The following NAV1 variants were observed in gnomAD, a reference collection of about 807,000 sequenced individuals.
NAV1 encodes the protein pore membrane and/or filament interacting like protein 3.
NAV1 carries 18 observed loss-of-function variants against 175.2 expected under a neutral mutation model. That is an observed-to-expected ratio of 0.10 (90% CI 0.07 to 0.15). The LOEUF (loss-of-function observed/expected upper bound fraction) is 0.15, where lower values mean the gene tolerates loss of function less well. NAV1 is among the 10% of genes least tolerant of loss of function. NAV1 has a pLI of 1.00. For synonymous variants in NAV1, 897 were observed against 978.7 expected (o/e 0.92, Z 1.56); for missense variants, 1,731 against 2,436.6 (o/e 0.71, Z 6.10).
intron 1 of NAV1, among the ~76,000 whole-genome samples, chr1:201,675,264 A>AGT (rs1320587043): frequency 6.6e-6 from 1 of 152,178 alleles, no homozygotes; most frequent in Non-Finnish European, 1.5e-5. Flanking sequence ...AGTATCTTTC[A>AGT]GTGCCAAATC....
At chr1:201,553,847 T>G (rs996961516) in intron 1 of NAV1, among the ~76,000 whole-genome samples, 1 of 152,244 alleles carries the variant, frequency 6.6e-6, no homozygotes, top group Non-Finnish European at 1.5e-5. Flanking sequence ...TTTGCTTCTT[T>G]TAATTTCTGA....
rs1678744258 is a variant in NAV1 at position 201,812,342 on chromosome 1, TGAAAA to T, written c.5025-118_5025-114del. 2 of 989,844 alleles carry T rather than the reference TGAAAA, an allele frequency of 2.0e-6. No homozygotes were observed. Among genetic ancestry groups the T allele is most frequent in the African/African-American group, 1.6e-5 (1 of 62,232 alleles). 61.3% of individuals were successfully genotyped at this position (989,844 alleles called of 1,614,324 possible). ...GAGTTCCGATGTCCCCACTATTACT[TGAAAA>T]GAAACCAAGTAGGCATTAGTGAGAA... is the stretch of plus-strand genomic sequence containing the variant. On this transcript the variant is annotated intron_variant, in intron 26 of 29. Coordinates refer to ENST00000367296, the Ensembl canonical transcript of NAV1. The surrounding 1 kb of genome is among the most constrained non-coding windows in gnomAD (Gnocchi z 4.6).
rs553434069 is a variant in NAV1, at chr1:201,655,255, C to CCCCAAAG, written c.757+5854_757+5860dup. Among the ~76,000 whole-genome samples, 705 of 152,258 alleles carry CCCCAAAG rather than the reference C, an allele frequency of 4.6e-3. 2 individuals are homozygous for CCCCAAAG. Among genetic ancestry groups the CCCCAAAG allele is most frequent in the Non-Finnish European group, 7.5e-3 (513 of 68,010 alleles). Reference sequence around the variant, plus strand: ...CCTGGCCCAACCAGGAAGCTCTCCTCCCCAAAGCCCAAAGCCCAAAGCCCA... The same window carrying CCCCAAAG: ...CCTGGCCCAACCAGGAAGCTCTCCTCCCCAAAGCCCAAAGCCCAAAGCCCAAAGCCCA... On this transcript the variant is annotated intron_variant, in intron 1 of 29. Transcript: ENST00000367296.
chr1:201,648,498 C>T (rs1401741069), exon 1 of NAV1: 8 of 1,234,360 alleles, frequency 6.5e-6, no homozygotes, highest in Non-Finnish European at 8.1e-6. Flanking sequence ...CGGCTTGCCT[C>T]TCTCCCTCCT....
At chr1:201,646,623 C>T (rs544968633), upstream of NAV1, among the ~76,000 whole-genome samples, 9 of 152,266 alleles carry the variant, frequency 5.9e-5, no homozygotes, top group Non-Finnish European at 1.2e-4. Context: ...TCTATATTCT[C>T]GTGCCACTTA....
intron 2 of NAV1, among the ~76,000 whole-genome samples, chr1:201,714,804 C>T (rs1334017346): frequency 2.0e-5 from 3 of 152,252 alleles, no homozygotes; most frequent in Non-Finnish European, 4.4e-5. Context: ...AAATGACTCA[C>T]TCACAGGAGT....
chr1:201,648,469 T>G (rs1669057907), exon 1 of NAV1: 1 of 1,208,290 alleles, frequency 8.3e-7, no homozygotes, highest in Admixed American at 4.4e-5. Flanking sequence ...CTTCCTCGCG[T>G]TTCTTTCCCC....
rs140203485 is a variant in NAV1, at chr1:201,617,646, T to G, written c.-32-5207T>G. On this transcript the variant is annotated intron_variant, in intron 2 of 33. Transcript: ENST00000685211. The stretch of plus-strand genomic sequence containing the variant: ...AAGAGGCTGAGGTGGGAGGATCACT[T>G]AAGCCTGGGAGATTGAGTCTGCAGT... Among the ~76,000 whole-genome samples the G allele has an allele frequency of 4.1e-3, 617 of 152,282 alleles. 4 individuals are homozygous for G. The highest frequency in any genetic ancestry group is 0.014 in the African/African-American group (587 of 41,544).
chr1:201,794,137 A>C (rs756492206), intron 14 of NAV1: 1 of 673,796 alleles, frequency 1.5e-6, no homozygotes, highest in South Asian at 1.5e-5. Context: ...GGCTCCTGCT[A>C]ATCCCAACTA....
At chr1:201,820,421 C>T (rs903946026) in exon 30 of NAV1, 1 of 152,818 alleles carries the variant, frequency 6.5e-6, no homozygotes, top group Non-Finnish European at 1.5e-5. Context: ...ACTCCTCCCC[C>T]AGAGATCTGG....
chr1:201,632,175 C>A (rs1265144641), intron 2 of NAV1, among the ~76,000 whole-genome samples: 12 of 152,222 alleles, frequency 7.9e-5, no homozygotes. Flanking sequence ...CCTTGTGCCA[C>A]TTTCTTAATC....
chr1:201,736,053 G>A (rs1283910525), intron 3 of NAV1, among the ~76,000 whole-genome samples: 3 of 152,156 alleles, frequency 2.0e-5, no homozygotes, highest in Non-Finnish European at 2.9e-5. Context: ...CTATCAACTA[G>A]GCCTGGCTAG....
chr1:201,800,531 T>A (rs1325255907), intron 15 of NAV1, among the ~76,000 whole-genome samples: 1 of 152,188 alleles, frequency 6.6e-6, no homozygotes, highest in Admixed American at 6.5e-5. Context: ...ACTGAGGAGT[T>A]GTGACCAAGA....
At chr1:201,581,312 A>G (rs1195446890) in intron 1 of NAV1, among the ~76,000 whole-genome samples, 1 of 152,104 alleles carries the variant, frequency 6.6e-6, no homozygotes, top group Non-Finnish European at 1.5e-5. Flanking sequence ...GTTGGAATGG[A>G]TGTGGGAGAA....
chr1:201,816,994 G>A, intron 28 of NAV1, 94 bp from the exon 33 acceptor site: 1 of 1,157,392 alleles, frequency 8.6e-7, no homozygotes, highest in Non-Finnish European at 1.2e-6. Flanking sequence ...TATTTTTAAG[G>A]AGCCTATTTT....
chr1:201,632,617 T>A (rs543555200), intron 2 of NAV1, among the ~76,000 whole-genome samples: 1 of 152,376 alleles, frequency 6.6e-6, no homozygotes, highest in African/African-American at 2.4e-5. Flanking sequence ...GCAGATTCTT[T>A]AATGACTTCC....
At chr1:201,803,059 G>C (rs186440008) in intron 15 of NAV1, among the ~76,000 whole-genome samples, 30 of 152,234 alleles carry the variant, frequency 2.0e-4, no homozygotes, top group South Asian at 4.1e-4. Context: ...TTCCTCCCCT[G>C]TTGTAGAAAA....
chr1:201,718,345 G>A lies in NAV1; in HGVS notation c.861-45G>A. On this transcript the variant is annotated intron_variant, in intron 2 of 29. Coordinates refer to ENST00000367296, the Ensembl canonical transcript of NAV1. The surrounding 1 kb of genome is among the most constrained non-coding windows in gnomAD (Gnocchi z 4.8). ...TGCATGTGAGGGGACAGGGCACACG[G>A]CGGCTGTGCCAAGGACTAAGTAGTG... is the stretch of plus-strand genomic sequence containing the variant. 3.4e-6 allele frequency: 5 copies of A among 1,487,106 alleles called. No individual in the cohort carries two copies. The highest frequency in any genetic ancestry group is 3.6e-6 in the Non-Finnish European group (4 of 1,117,274). 92.1% of individuals were successfully genotyped at this position (1,487,106 alleles called of 1,614,324 possible). A position where few individuals can be genotyped will look rare whatever the true frequency, so the allele number is the denominator to read the frequency against.
rs137972412 is a variant in NAV1 at position 201,788,734 on chromosome 1, A to G, written c.3166+96A>G. ...TCCCACCACTCCTACCACCACACAC[A>G]TATATGATTCACAGAACATCAAGTT... On this transcript the variant is annotated intron_variant, in intron 10 of 29. Coordinates refer to ENST00000367296, the Ensembl canonical transcript of NAV1. The surrounding 1 kb of genome is among the most constrained non-coding windows in gnomAD (Gnocchi z 5.7). 349 of 1,325,958 alleles carry G rather than the reference A, an allele frequency of 2.6e-4. 5 individuals carry two copies. In the East Asian group the frequency reaches 7.7e-3, roughly 29 times the overall value. 82.1% of individuals were successfully genotyped at this position (1,325,958 alleles called of 1,614,324 possible). A position where few individuals can be genotyped will look rare whatever the true frequency, so the allele number is the denominator to read the frequency against.
Sources: gnomAD v4.1 joint callset for allele counts (sites outside exome capture counted in the v4.1 genomes callset) on GRCh38, gnomAD v4.1.1 for gene constraint, Gnocchi (gnomAD v3.1) non-coding constraint, MANE v1.5 for transcripts, NCBI Gene and HGNC (gene_info 2026-07-23, HGNC 2026-07-21) for gene names.